TMEM131: variants seen among roughly 807,000 people sequenced by gnomAD.
TMEM131 encodes 2610524E03Rik.
TMEM131 carries 66 observed loss-of-function variants against 211.6 expected under a neutral mutation model. The ratio of observed to expected loss-of-function variants is 0.31; its 90% confidence interval spans 0.26 to 0.38. The LOEUF (loss-of-function observed/expected upper bound fraction) is 0.38. TMEM131 is among the 10% of genes least tolerant of loss of function. TMEM131 has a pLI of 1.00. For missense variants in TMEM131, 2,036 were observed against 2,299.3 expected (o/e 0.89, Z 2.34); for synonymous variants, 844 against 841.3 (o/e 1.00, Z -0.06).
Position 97,812,443 on chromosome 2 carries a change from G to A in TMEM131, c.1841C>T (p.Ser614Phe), listed in dbSNP as rs751494972. 2.5e-6 allele frequency: 4 copies of A among 1,609,328 alleles called. No individual in the cohort carries two copies. The South Asian group carries it at 3.3e-5, about 13-fold the overall frequency. ...TACCGATGATTGATCTGATAAAGAG[G>A]ATTTTTCAAACTCTGGCAGGCTTGA... ...IISSLPEFEKSSLSDQSSVTL... is the reference protein window; with the variant it reads ...IISSLPEFEKFSLSDQSSVTL... Residue 614 changes from serine (S) to phenylalanine (F), a missense_variant, in exon 17 of 41, where the codon TCC (serine) becomes TTC (phenylalanine). By Grantham distance (155) the Ser-to-Phe change is radical. Around this residue, in one of 3 missense-constraint regions of TMEM131, gnomAD observed 1,623 missense variants for 1,805.9 expected, o/e 0.90. Transcript: ENST00000186436.
intron 35 of TMEM131, chr2:97,762,504 T>C (rs1678908247): frequency 3.8e-6 from 1 of 263,044 alleles, no homozygotes; most frequent in Non-Finnish European, 7.3e-6. Flanking sequence ...CCTCCAGGGG[T>C]GGACAGCTGA....
At chr2:97,884,255 T>C (rs1460404633) in intron 4 of TMEM131, among the ~76,000 whole-genome samples, 1 of 152,232 alleles carries the variant, frequency 6.6e-6, no homozygotes, top group Non-Finnish European at 1.5e-5. Context: ...TATCGATTTC[T>C]AGTTTTAAAT....
chr2:97,948,552 T>C (rs1212703904), intron 1 of TMEM131, among the ~76,000 whole-genome samples: 1 of 152,198 alleles, frequency 6.6e-6, no homozygotes, highest in Non-Finnish European at 1.5e-5. Context: ...CTTCTTACCA[T>C]ATCAGGTGTT....
In TMEM131 at chr2:97,766,516, G is replaced by C; in HGVS notation, c.4535C>G (p.Thr1512Arg). 6.2e-7 allele frequency: 1 copy of C among 1,613,986 alleles called. No homozygotes were observed. The highest frequency in any genetic ancestry group is 1.7e-5 in the Admixed American group (1 of 60,024). ...PSKIPLPTAM[T>R]SGSKSRNAQK... is the part of the protein sequence containing the mutation. ...GGCATTTCGTGATTTGGATCCACTT[G>C]TCATTGCAGTTGGAAGAGGAATCTT... is the stretch of plus-strand genomic sequence containing the variant. The change falls in exon 34 of 41, where the codon ACA (threonine) becomes AGA (arginine). Residue 1512 changes from threonine to arginine, a missense_variant. This residue lies in a region of TMEM131 where 1,623 missense variants were observed against 1,805.9 expected (regional missense o/e 0.90). Transcript: ENST00000186436.
rs1559498677 is a variant in TMEM131, at chr2:97,995,854, C to T, written c.-192G>A. ...TGTGAGCGAGAGTGTCAGTCACGGT[C>T]TTTGCCTGGGCATCGCCTACAAGCA... On this transcript the variant is annotated 5_prime_UTR_variant, in exon 1 of 41. Transcript: ENST00000186436. 3.5e-6 allele frequency: 1 copy of T among 281,904 alleles called. No homozygotes were observed. Among genetic ancestry groups the T allele is most frequent in the Non-Finnish European group, 6.2e-6 (1 of 160,246 alleles). The allele number at this position is 281,904 out of a possible 1,614,324, so 17.5% of individuals were successfully genotyped here.
At chr2:97,939,214 C>T (rs1241338220) in intron 1 of TMEM131, among the ~76,000 whole-genome samples, 2 of 151,992 alleles carry the variant, frequency 1.3e-5, no homozygotes, top group African/African-American at 4.8e-5. Flanking sequence ...CAAAAAAAAC[C>T]CTTCAAAAAA....
chr2:97,794,003 AAAAAAAAAAAAAC>A lies in TMEM131; in HGVS notation c.3387-463_3387-451del, dbSNP rs1680635070. On this transcript the variant is annotated intron_variant, in intron 29 of 40. Transcript: ENST00000186436. ...AGCGAGACTCTGTCTCAAAAAAAAAAAAAAAAAAAAAACAAAAAACCCACAGTTTTATGGATAA... is the reference window on the plus strand; with the variant it reads ...AGCGAGACTCTGTCTCAAAAAAAAAAAAAAAACCCACAGTTTTATGGATAA... Among the ~76,000 whole-genome samples, 7 of 149,986 alleles carry A rather than the reference AAAAAAAAAAAAAC, an allele frequency of 4.7e-5. No homozygotes were observed. The South Asian group carries it at 1.5e-3, about 31-fold the overall frequency.
intron 1 of TMEM131, among the ~76,000 whole-genome samples, chr2:97,955,789 T>C (rs1380598449): frequency 6.6e-6 from 1 of 152,062 alleles, no homozygotes; most frequent in Non-Finnish European, 1.5e-5. Context: ...CTCCGGAAAG[T>C]GAAAGCTATG....
chr2:97,930,036 C>G (rs566375644), intron 1 of TMEM131, among the ~76,000 whole-genome samples: 45 of 151,920 alleles, frequency 3.0e-4, no homozygotes, highest in African/African-American at 1.1e-3. Context: ...CTGTTCCCCC[C>G]ACTTTTTAAC....
At chr2:97,852,161 CTTTTTT>C (rs35113797) in intron 5 of TMEM131, among the ~76,000 whole-genome samples, 2 of 129,328 alleles carry the variant, frequency 1.5e-5, no homozygotes, top group Non-Finnish European at 1.6e-5. Flanking sequence ...ACGGCATTCT[CTTTTTT>C]TTTTTTTTTT....
chr2:97,770,517 A>C (rs1378054863), intron 33 of TMEM131, among the ~76,000 whole-genome samples: 2 of 152,212 alleles, frequency 1.3e-5, no homozygotes, highest in African/African-American at 4.8e-5. Context: ...TTCAGGACTG[A>C]CCACTCTAAG....
intron 1 of TMEM131, among the ~76,000 whole-genome samples, chr2:97,962,218 A>C (rs1056392133): frequency 6.6e-6 from 1 of 152,182 alleles, no homozygotes; most frequent in African/African-American, 2.4e-5. Context: ...AAAAATGAAA[A>C]GGCTGCCTGG....
intron 11 of TMEM131, among the ~76,000 whole-genome samples, chr2:97,822,861 T>C (rs1006338342): frequency 6.6e-6 from 1 of 152,090 alleles, no homozygotes; most frequent in Non-Finnish European, 1.5e-5. Context: ...TTGAAATGCA[T>C]CCTAAGCCAT....
At chr2:97,942,440 C>T (rs891464154) in intron 1 of TMEM131, among the ~76,000 whole-genome samples, 60 of 148,826 alleles carry the variant, frequency 4.0e-4, no homozygotes, top group African/African-American at 1.5e-3. Context: ...CAAACCTGCA[C>T]GTTGTGCACA....
chr2:97,872,029 G>A (rs1674510920), intron 4 of TMEM131, among the ~76,000 whole-genome samples: 1 of 149,510 alleles, frequency 6.7e-6, no homozygotes, highest in Admixed American at 6.7e-5. Flanking sequence ...GAGAAAGGGG[G>A]AAAAGAAAAG....
intron 1 of TMEM131, among the ~76,000 whole-genome samples, chr2:97,950,300 A>G (rs1476298540): frequency 6.6e-6 from 1 of 152,258 alleles, no homozygotes; most frequent in Non-Finnish European, 1.5e-5. Context: ...AAATACATAC[A>G]TATATAAAGA....
chr2:97,764,544 C>A (rs1300673193), intron 35 of TMEM131: 1 of 152,368 alleles, frequency 6.6e-6, no homozygotes, highest in Non-Finnish European at 1.5e-5. Context: ...GCTGAGGAGA[C>A]AAGCTCTGCA....
At chr2:97,796,722 T>C (rs1392151733) in intron 27 of TMEM131, 122 bp downstream of exon 27, 2 of 998,946 alleles carry the variant, frequency 2.0e-6, no homozygotes, top group Admixed American at 2.7e-5. Flanking sequence ...TTCCTTAAGC[T>C]CTTAAGCATT....
intron 2 of TMEM131, among the ~76,000 whole-genome samples, chr2:97,923,870 GGAGATT>G (rs1415858623): frequency 6.6e-6 from 1 of 151,984 alleles, no homozygotes; most frequent in Non-Finnish European, 1.5e-5. Flanking sequence ...CACGAGGTCA[GGAGATT>G]GAGACCATCC....
Sources: gnomAD v4.1 joint callset for allele counts (sites outside exome capture counted in the v4.1 genomes callset) on GRCh38, gnomAD v4.1.1 for gene constraint, gnomAD v4.1.1 regional missense constraint, MANE v1.5 for transcripts, NCBI Gene and HGNC (gene_info 2026-07-23, HGNC 2026-07-21) for gene names.